The following GABRB2 variants were observed in gnomAD, a reference collection of about 807,000 sequenced individuals.
GABRB2 encodes the protein gamma-aminobutyric acid receptor subunit beta-2.
GABRB2 carries 16 observed loss-of-function variants against 54.7 expected under a neutral mutation model. That is an observed-to-expected ratio of 0.29 (90% confidence interval 0.20 to 0.44). GABRB2 has a LOEUF of 0.44. Ranked by LOEUF, GABRB2 falls within the 20% of genes least tolerant of loss-of-function variation. The pLI is 1.00. For missense variants in GABRB2, 355 were observed against 644.0 expected, an observed-to-expected ratio of 0.55 and a Z score of 4.86; for synonymous variants, 244 against 233.8, an observed-to-expected ratio of 1.04 and a Z score of -0.40.
At chr5:161,314,348 A>C (rs72813510) in intron 9 of GABRB2, among the ~76,000 whole-genome samples, 8 of 152,108 alleles carry the variant, frequency 5.3e-5, no homozygotes, top group Non-Finnish European at 1.2e-4. Context: ...AATTTTCTGC[A>C]GTAGAAGCTA....
At chr5:161,452,134 G>A (rs899108799) in intron 4 of GABRB2, among the ~76,000 whole-genome samples, 1 of 152,136 alleles carries the variant, frequency 6.6e-6, no homozygotes, top group Admixed American at 6.5e-5. Context: ...GGTAATTCAA[G>A]TTGACTGCTC....
At chr5:161,354,719 C>G (rs563244570) in intron 5 of GABRB2, among the ~76,000 whole-genome samples, 4 of 151,996 alleles carry the variant, frequency 2.6e-5, no homozygotes, top group Non-Finnish European at 4.4e-5. Flanking sequence ...AAAGGCTTCC[C>G]ATTTTATCAT....
At chr5:161,327,049 C>T (rs1758387840) in intron 8 of GABRB2, 4 of 504,880 alleles carry the variant, frequency 7.9e-6, no homozygotes, top group Non-Finnish European at 1.0e-5. Flanking sequence ...AGGACACACA[C>T]ACACACACAC....
At chr5:161,357,062 T>A (rs2113444890) in intron 5 of GABRB2, among the ~76,000 whole-genome samples, 1 of 152,124 alleles carries the variant, frequency 6.6e-6, no homozygotes, top group East Asian at 1.9e-4. Context: ...ATAACAGGAG[T>A]AACAAATAGG....
intron 4 of GABRB2, among the ~76,000 whole-genome samples, chr5:161,458,896 G>A (rs1758042572): frequency 6.6e-6 from 1 of 152,140 alleles, no homozygotes; most frequent in Non-Finnish European, 1.5e-5. Flanking sequence ...CTGAAAATCT[G>A]AGTTTAGAAT....
intron 4 of GABRB2, among the ~76,000 whole-genome samples, chr5:161,429,981 A>G (rs868463416): frequency 6.6e-6 from 1 of 152,216 alleles, no homozygotes; most frequent in South Asian, 2.1e-4. Context: ...TAGGAAGTCT[A>G]AATTTTAAAA....
At chr5:161,395,562 T>A (rs1413238735) in intron 5 of GABRB2, among the ~76,000 whole-genome samples, 1 of 152,136 alleles carries the variant, frequency 6.6e-6, no homozygotes, top group Non-Finnish European at 1.5e-5. Flanking sequence ...CATATAAGTA[T>A]CGCAATTGTG....
chr5:161,487,189 G>C (rs1758952247), intron 3 of GABRB2, among the ~76,000 whole-genome samples: 1 of 151,922 alleles, frequency 6.6e-6, no homozygotes, highest in East Asian at 1.9e-4. Context: ...TCTTTTGTGC[G>C]GTGACAAGCC....
At chr5:161,309,514 C>T (rs1757796456) in intron 9 of GABRB2, among the ~76,000 whole-genome samples, 1 of 152,102 alleles carries the variant, frequency 6.6e-6, no homozygotes, top group Non-Finnish European at 1.5e-5. Flanking sequence ...TGGGTATATA[C>T]CCAAATGAGT....
chr5:161,512,378 C>G (rs1204095116), intron 3 of GABRB2, among the ~76,000 whole-genome samples: 4 of 151,856 alleles, frequency 2.6e-5, no homozygotes, highest in Non-Finnish European at 5.9e-5. Context: ...ATGGTACTGA[C>G]ACAAAAATAG....
At chr5:161,368,588 G>A (rs1755039796) in intron 5 of GABRB2, among the ~76,000 whole-genome samples, 1 of 152,180 alleles carries the variant, frequency 6.6e-6, no homozygotes, top group Non-Finnish European at 1.5e-5. Flanking sequence ...ATCTCCCGGA[G>A]TTGAGTAGAG....
intron 5 of GABRB2, among the ~76,000 whole-genome samples, chr5:161,353,621 G>T (rs558492372): frequency 6.6e-6 from 1 of 152,072 alleles, no homozygotes; most frequent in Admixed American, 6.6e-5. Flanking sequence ...CTGTAACCCA[G>T]CTTGTCTAAG....
intron 9 of GABRB2, among the ~76,000 whole-genome samples, chr5:161,307,575 C>G (rs899235493): frequency 6.6e-6 from 1 of 152,036 alleles, no homozygotes; most frequent in Non-Finnish European, 1.5e-5. Flanking sequence ...CTTAGTTGAG[C>G]CTTCGTTTCT....
chr5:161,358,962 G>A (rs991648154), intron 5 of GABRB2, among the ~76,000 whole-genome samples: 5 of 152,126 alleles, frequency 3.3e-5, no homozygotes, highest in African/African-American at 1.2e-4. Context: ...GCTTAAGTGG[G>A]CTTTTTCTTC....
chr5:161,429,524 A>AGT (rs1757115601), intron 4 of GABRB2, among the ~76,000 whole-genome samples: 1 of 152,084 alleles, frequency 6.6e-6, no homozygotes, highest in Non-Finnish European at 1.5e-5. Context: ...AGCATGGAGT[A>AGT]GTGTGAGCAC....
At chr5:161,384,497 A>T (rs1018494871) in intron 5 of GABRB2, among the ~76,000 whole-genome samples, 10 of 152,158 alleles carry the variant, frequency 6.6e-5, no homozygotes, top group African/African-American at 2.4e-4. Flanking sequence ...GTTCAACTTC[A>T]TTCCTTTATC....
intron 3 of GABRB2, among the ~76,000 whole-genome samples, chr5:161,520,586 T>G (rs1220603861): frequency 6.6e-6 from 1 of 152,106 alleles, no homozygotes; most frequent in Non-Finnish European, 1.5e-5. Flanking sequence ...TCAAGAGATT[T>G]ATTTACCTCA....
chr5:161,530,485 G>A (rs568151562), intron 3 of GABRB2, among the ~76,000 whole-genome samples: 12 of 152,168 alleles, frequency 7.9e-5, no homozygotes, highest in Admixed American at 3.3e-4. Context: ...ATATTAAAAC[G>A]ATAGTTGATC....
At chr5:161,479,585 AT>A (rs10691457) in intron 3 of GABRB2, among the ~76,000 whole-genome samples, 71 of 137,616 alleles carry the variant, frequency 5.2e-4, no homozygotes, top group African/African-American at 7.3e-4. Flanking sequence ...CATTGAAACA[AT>A]TTTTTTTTTT....
Sources: allele counts gnomAD v4.1 joint callset (sites outside exome capture counted in the v4.1 genomes callset), GRCh38; gene constraint gnomAD v4.1.1; transcripts MANE v1.5; gene names NCBI Gene and HGNC (gene_info 2026-07-23, HGNC 2026-07-21).